The following SNX10 variants were observed in gnomAD, a reference collection of about 807,000 sequenced individuals.
SNX10 encodes the protein sorting nexin 10, also known as sorting nexin-10.
A neutral mutation model predicts 28.5 loss-of-function variants in SNX10; 25 were observed. That is an observed-to-expected ratio of 0.88 (90% CI 0.64 to 1.22). The LOEUF is 1.22. SNX10 is among the 50% of genes most tolerant of loss of function. The probability of loss-of-function intolerance (pLI) is 0.00; values close to 1 mark genes in which losing one functional copy is unlikely to be tolerated. For missense variants in SNX10, 223 were observed against 242.6 expected, an observed-to-expected ratio of 0.92 and a Z score of 0.54; for synonymous variants, 62 against 81.4, an observed-to-expected ratio of 0.76 and a Z score of 1.28.
intron 1 of SNX10, among the ~76,000 whole-genome samples, chr7:26,337,993 A>G (rs1038798124): frequency 5.3e-5 from 8 of 151,598 alleles, no homozygotes; most frequent in African/African-American, 1.9e-4. Context: ...TCTTGGATCT[A>G]TCCTAACGGG....
At chr7:26,341,977 T>C (rs1788194406) in intron 1 of SNX10, among the ~76,000 whole-genome samples, 1 of 110,892 alleles carries the variant, frequency 9.0e-6, no homozygotes, top group Non-Finnish European at 1.7e-5. Context: ...CTGTTTCTCT[T>C]CTTTCTCTCT....
chr7:26,292,536 G>T (rs1785965733), intron 1 of SNX10, among the ~76,000 whole-genome samples: 1 of 152,120 alleles, frequency 6.6e-6, no homozygotes, highest in Non-Finnish European at 1.5e-5. Flanking sequence ...AGGTTTATTC[G>T]TGGGATTGTG....
Position 26,314,844 on chromosome 7 carries a change from A to G in SNX10, c.-24+22758A>G, listed in dbSNP as rs1050742571. 2.6e-4 allele frequency among the ~76,000 whole-genome samples: 40 copies of G among 152,162 alleles called. 1 individual carries two copies. Among genetic ancestry groups the G allele is most frequent in the Non-Finnish European group, 8.8e-5 (6 of 68,030 alleles). On this transcript the variant is annotated intron_variant, in intron 1 of 6. Transcript: ENST00000338523. Reference sequence around the variant, plus strand: ...GAAACCCTGTCTTTACTGAAAATACAAAGATTAGCTGTGTGTAGTGGCACA... The same window carrying G: ...GAAACCCTGTCTTTACTGAAAATACGAAGATTAGCTGTGTGTAGTGGCACA...
At chr7:26,325,886 C>G (rs1189297533) in intron 1 of SNX10, among the ~76,000 whole-genome samples, 1 of 151,894 alleles carries the variant, frequency 6.6e-6, no homozygotes, top group East Asian at 1.9e-4. Flanking sequence ...CACCACCACA[C>G]CTGGCTAATT....
intron 1 of SNX10, among the ~76,000 whole-genome samples, chr7:26,292,468 A>G (rs1007722612): frequency 1.3e-5 from 2 of 151,958 alleles, no homozygotes; most frequent in African/African-American, 2.4e-5. Context: ...TTATTTATTT[A>G]TTTTTTTATT....
intron 5 of SNX10, among the ~76,000 whole-genome samples, chr7:26,371,488 A>G (rs931712596): frequency 6.6e-6 from 1 of 152,192 alleles, no homozygotes; most frequent in African/African-American, 2.4e-5. Flanking sequence ...TTAAAGTAGA[A>G]TAACTTTCTA....
chr7:26,315,426 T>C (rs1422758982), intron 1 of SNX10, among the ~76,000 whole-genome samples: 2 of 152,170 alleles, frequency 1.3e-5, no homozygotes, highest in African/African-American at 4.8e-5. Context: ...CCCAGCACTT[T>C]GGAAGGCTGA....
At position 26,328,172 on chromosome 7, in the gene SNX10, CT is replaced by C. The variant is rs1787579552; in HGVS notation, c.-23-18247del. On this transcript the variant is annotated intron_variant, in intron 1 of 6. Coordinates refer to ENST00000338523, the MANE Select transcript of SNX10 (RefSeq NM_013322.3). ...CGAACTAGGCCAGTGACACTGGAGG[CT>C]GAGAGACAGGAATGGACTTAGGAGG... 2.0e-5 allele frequency among the ~76,000 whole-genome samples: 3 copies of C among 152,206 alleles called. No homozygotes were observed. The South Asian group carries it at 6.2e-4, about 32-fold the overall frequency.
At chr7:26,346,344 G>T (rs901111886) in intron 1 of SNX10, 76 bp from the exon 2 acceptor site, 3 of 889,922 alleles carry the variant, frequency 3.4e-6, no homozygotes, top group Non-Finnish European at 5.8e-6. Flanking sequence ...GGGGATTTGG[G>T]TGGGAGGCCA....
At chr7:26,299,974 G>A (rs1442879253) in intron 1 of SNX10, among the ~76,000 whole-genome samples, 1 of 152,070 alleles carries the variant, frequency 6.6e-6, no homozygotes, top group East Asian at 2.0e-4. Flanking sequence ...ACTTTGGGAG[G>A]CCGAGGCGAG....
At chr7:26,299,235 G>A (rs1041282463) in intron 1 of SNX10, among the ~76,000 whole-genome samples, 22 of 151,974 alleles carry the variant, frequency 1.4e-4, no homozygotes, top group African/African-American at 4.8e-4. Flanking sequence ...TCGCTCTGTT[G>A]CCCAGGCTGG....
intron 1 of SNX10, among the ~76,000 whole-genome samples, chr7:26,303,067 C>G (rs1419089800): frequency 6.6e-6 from 1 of 152,204 alleles, no homozygotes; most frequent in Non-Finnish European, 1.5e-5. Flanking sequence ...GAATCCTCCT[C>G]AGCTAAAATC....
Position 26,354,622 on chromosome 7 carries a change from C to G in SNX10, c.25-6353C>G, listed in dbSNP as rs1788743864. ...TCTTGAACTCCTGAGCTCAAGTGAT[C>G]CTCCCACCTTGGCCTCCCAAAGTGC... On this transcript the variant is annotated intron_variant, in intron 2 of 6. Transcript: ENST00000338523. Among the ~76,000 whole-genome samples, 3 of 152,214 alleles carry G rather than the reference C, an allele frequency of 2.0e-5. No individual in the cohort carries two copies. In the South Asian group the frequency reaches 6.2e-4, roughly 31 times the overall value.
rs369810084 is a variant in SNX10, at chr7:26,352,448, G to A, written c.24+5982G>A. Among the ~76,000 whole-genome samples the A allele has an allele frequency of 5.3e-5, 8 of 152,112 alleles. No individual in the cohort carries two copies. In the South Asian group the frequency reaches 1.5e-3, roughly 28 times the overall value. On this transcript the variant is annotated intron_variant, in intron 2 of 6. Transcript: ENST00000338523. ...TTCAACCCCCAAAACAAAAAAATACGCAAGGTAGAGATGATAATAAAATGA... is the reference window on the plus strand; with the variant it reads ...TTCAACCCCCAAAACAAAAAAATACACAAGGTAGAGATGATAATAAAATGA...
intron 1 of SNX10, among the ~76,000 whole-genome samples, chr7:26,326,620 C>T (rs1280914204): frequency 2.0e-5 from 3 of 152,198 alleles, no homozygotes; most frequent in Non-Finnish European, 4.4e-5. Context: ...AGCTATATGA[C>T]CTTTGACACA....
intron 1 of SNX10, among the ~76,000 whole-genome samples, chr7:26,301,017 TC>T (rs201818582): frequency 0.14 from 5,772 of 41,988 alleles, 1,649 homozygotes; most frequent in East Asian, 0.22. Flanking sequence ...ATACTCTGTC[TC>T]CAAAAAAAAA....
At chr7:26,302,113 T>C (rs1036619237) in intron 1 of SNX10, among the ~76,000 whole-genome samples, 4 of 152,158 alleles carry the variant, frequency 2.6e-5, no homozygotes. Context: ...ACATCAGTGG[T>C]GTGAGGTTAT....
chr7:26,331,880 G>A (rs1787763337), intron 1 of SNX10, among the ~76,000 whole-genome samples: 1 of 152,086 alleles, frequency 6.6e-6, no homozygotes, highest in African/African-American at 2.4e-5. Flanking sequence ...GTTGTGACCG[G>A]TTTCTTTCAC....
chr7:26,309,299 GT>G (rs1181469027), intron 1 of SNX10, among the ~76,000 whole-genome samples: 5 of 151,598 alleles, frequency 3.3e-5, no homozygotes, highest in Non-Finnish European at 7.4e-5. Context: ...TGCGTTAGAA[GT>G]GGCCTGTTTC....
Sources: gnomAD v4.1 joint callset for allele counts (sites outside exome capture counted in the v4.1 genomes callset) on GRCh38, gnomAD v4.1.1 for gene constraint, MANE v1.5 for transcripts, NCBI Gene and HGNC (gene_info 2026-07-23, HGNC 2026-07-21) for gene names.